Variants in PPP1R9A observed in about 807,000 individuals in gnomAD.
PPP1R9A encodes protein phosphatase 1 regulatory subunit 9A.
PPP1R9A carries 59 observed loss-of-function variants against 141.9 expected under a neutral mutation model. The ratio of observed to expected loss-of-function variants is 0.42; its 90% confidence interval spans 0.34 to 0.52. The LOEUF (loss-of-function observed/expected upper bound fraction) is 0.52, where lower values mean the gene tolerates loss of function less well. Among genes scored for constraint, PPP1R9A ranks in the 20% least tolerant of loss-of-function variants. PPP1R9A has a pLI of 0.10. For synonymous variants in PPP1R9A, 500 were observed against 569.7 expected (o/e 0.88, Z 1.74); for missense variants, 1,444 against 1,611.9 (o/e 0.90, Z 1.78).
intron 2 of PPP1R9A, among the ~76,000 whole-genome samples, chr7:95,059,397 C>T (rs1262216275): frequency 6.6e-6 from 1 of 151,972 alleles, no homozygotes; most frequent in African/African-American, 2.4e-5. Context: ...CTTTTTAGTC[C>T]TGTGAAAACC....
At chr7:94,976,372 C>T (rs555610839) in intron 2 of PPP1R9A, among the ~76,000 whole-genome samples, 34 of 135,820 alleles carry the variant, frequency 2.5e-4, no homozygotes, top group Admixed American at 2.4e-4. Context: ...GATGAAGTCT[C>T]GCTCTGTCAC....
At chr7:95,277,115 C>A (rs910684208) in intron 16 of PPP1R9A, among the ~76,000 whole-genome samples, 1 of 152,300 alleles carries the variant, frequency 6.6e-6, no homozygotes, top group East Asian at 1.9e-4. Context: ...GTAATGTTAT[C>A]TTTTTGAAGC....
chr7:95,119,526 C>G (rs1822144029), intron 3 of PPP1R9A, among the ~76,000 whole-genome samples: 1 of 152,136 alleles, frequency 6.6e-6, no homozygotes, highest in Non-Finnish European at 1.5e-5. Flanking sequence ...ATGATCTCAG[C>G]TCACTGCAAC....
chr7:95,112,130 T>TA (rs1397465759), intron 3 of PPP1R9A, among the ~76,000 whole-genome samples: 1 of 151,770 alleles, frequency 6.6e-6, no homozygotes, highest in African/African-American at 2.4e-5. Context: ...AAGCATGGCT[T>TA]AAAAAAAGAC....
At chr7:95,085,420 GGT>G (rs1491511091) in intron 2 of PPP1R9A, among the ~76,000 whole-genome samples, 1 of 129,408 alleles carries the variant, frequency 7.7e-6, no homozygotes, top group East Asian at 2.0e-4. Context: ...AAAAATTTTT[GGT>G]TTTTTTTTTT....
intron 8 of PPP1R9A, among the ~76,000 whole-genome samples, chr7:95,247,238 A>C (rs534124560): frequency 2.0e-5 from 3 of 152,196 alleles, no homozygotes; most frequent in Non-Finnish European, 4.4e-5. Context: ...TTGGTCCCTG[A>C]GCAATTAAAT....
chr7:95,172,483 A>G (rs771636364), intron 5 of PPP1R9A, among the ~76,000 whole-genome samples: 64 of 151,916 alleles, frequency 4.2e-4, no homozygotes, highest in African/African-American at 1.4e-3. Flanking sequence ...ATCAGAGTGT[A>G]TATACTATCA....
chr7:95,274,463 A>C (rs1445263928), intron 16 of PPP1R9A, among the ~76,000 whole-genome samples: 1 of 152,272 alleles, frequency 6.6e-6, no homozygotes, highest in Non-Finnish European at 1.5e-5. Context: ...CTTCAGAAAT[A>C]TCAAATATAT....
In PPP1R9A at chr7:95,276,858, A is replaced by C. The variant is rs117756572; in HGVS notation, c.3296+2690A>C. Among the ~76,000 whole-genome samples the C allele has an allele frequency of 2.0e-5, 3 of 152,344 alleles. No individual in the cohort carries two copies. The East Asian group carries it at 5.8e-4, about 29-fold the overall frequency. ...GTTAACACTAATAAAATCTGTGGAC[A>C]GCTATATTCTTCTGTATAGATTGAT... On this transcript the variant is annotated intron_variant, in intron 16 of 19. Coordinates refer to ENST00000433360, the MANE Select transcript of PPP1R9A (RefSeq NM_001166160.2).
At chr7:95,182,385 A>C (rs1441898827) in intron 5 of PPP1R9A, among the ~76,000 whole-genome samples, 1 of 152,042 alleles carries the variant, frequency 6.6e-6, no homozygotes, top group Non-Finnish European at 1.5e-5. Flanking sequence ...TTTTTAATAG[A>C]TATGCACGTT....
At chr7:95,187,129 C>T (rs1834769988) in intron 5 of PPP1R9A, among the ~76,000 whole-genome samples, 1 of 152,082 alleles carries the variant, frequency 6.6e-6, no homozygotes, top group Non-Finnish European at 1.5e-5. Flanking sequence ...ATCTGTGAAT[C>T]CTTCTGGTCC....
At chr7:95,149,050 A>G (rs1179950339) in intron 4 of PPP1R9A, among the ~76,000 whole-genome samples, 2 of 151,732 alleles carry the variant, frequency 1.3e-5, no homozygotes, top group Admixed American at 1.3e-4. Context: ...TTATATACAG[A>G]GACCAGGTGG....
chr7:94,986,420 CAT>C (rs1157556813), intron 2 of PPP1R9A, among the ~76,000 whole-genome samples: 1 of 152,074 alleles, frequency 6.6e-6, no homozygotes, highest in Non-Finnish European at 1.5e-5. Context: ...TGTTCTCACT[CAT>C]ATATAGGAGC....
intron 2 of PPP1R9A, among the ~76,000 whole-genome samples, chr7:95,085,233 A>G (rs1011374387): frequency 2.6e-5 from 4 of 151,332 alleles, no homozygotes; most frequent in African/African-American, 9.8e-5. Context: ...TTTGATTTTT[A>G]TTTCTCTTAT....
In PPP1R9A at chr7:95,290,991, G is replaced by A. The variant is rs899323914; in HGVS notation, c.*688G>A. 2 of 152,332 alleles carry A rather than the reference G, an allele frequency of 1.3e-5. No individual in the cohort carries two copies. Among genetic ancestry groups the A allele is most frequent in the Admixed American group, 6.5e-5 (1 of 15,286 alleles). The allele number at this position is 152,332 out of a possible 1,614,324, so 9.4% of individuals were successfully genotyped here. ...AAGCAAAAGCCTTAAGAATGTGGAT[G>A]TGGGTATTACCTTGGGGTTCTGAGG... On this transcript the variant is annotated 3_prime_UTR_variant, in exon 20 of 20. Transcript: ENST00000433360.
intron 2 of PPP1R9A, among the ~76,000 whole-genome samples, chr7:94,949,976 A>G (rs1796295300): frequency 6.7e-6 from 1 of 148,568 alleles, no homozygotes; most frequent in South Asian, 2.1e-4. Flanking sequence ...TTTCAGAAGC[A>G]GCTATTCTCA....
chr7:95,054,510 T>A (rs940535234), intron 2 of PPP1R9A, among the ~76,000 whole-genome samples: 7 of 152,114 alleles, frequency 4.6e-5, no homozygotes, highest in Admixed American at 4.6e-4. Context: ...ATTAGAACTC[T>A]TTTGAGAGTA....
At chr7:94,958,543 G>T (rs1425921179) in intron 2 of PPP1R9A, among the ~76,000 whole-genome samples, 1 of 151,642 alleles carries the variant, frequency 6.6e-6, no homozygotes, top group Non-Finnish European at 1.5e-5. Flanking sequence ...ACTTTTATTT[G>T]TTAGAGTTAT....
chr7:94,946,737 C>T (rs1429086597), intron 2 of PPP1R9A, among the ~76,000 whole-genome samples: 6 of 152,050 alleles, frequency 3.9e-5, no homozygotes, highest in Non-Finnish European at 8.8e-5. Flanking sequence ...TTACTTTCTG[C>T]GTTCTGAAGA....
Sources: allele counts gnomAD v4.1 joint callset (sites outside exome capture counted in the v4.1 genomes callset), GRCh38; gene constraint gnomAD v4.1.1; transcripts MANE v1.5; gene names NCBI Gene and HGNC (gene_info 2026-07-23, HGNC 2026-07-21).